The following UCP3 variants were observed in gnomAD, a reference collection of about 807,000 sequenced individuals.
UCP3 encodes putative mitochondrial transporter UCP3.
In UCP3, 24 loss-of-function variants were observed where a neutral mutation model predicts 28.1. The ratio of observed to expected loss-of-function variants is 0.85; its 90% confidence interval spans 0.62 to 1.20. The LOEUF is 1.20. Ranked by LOEUF, UCP3 falls within the 50% of genes most tolerant of loss-of-function variation. The pLI is 0.00. For missense variants in UCP3, 397 were observed against 422.2 expected (o/e 0.94, Z 0.52); for synonymous variants, 184 against 171.2 (o/e 1.07, Z -0.59).
chr11:74,005,845 G>T lies in UCP3; in HGVS notation c.426C>A (p.Val142=), dbSNP rs747969322. Residue 142 remains valine (V), a synonymous_variant, in exon 4 of 7, where the codon GTC becomes GTA. Transcript: ENST00000314032. ...CGAGGTGTATGCTGGCCTGAAATCGGACCTTCACCACATCTGTGGGCTGGG... is the reference window on the plus strand; with the variant it reads ...CGAGGTGTATGCTGGCCTGAAATCGTACCTTCACCACATCTGTGGGCTGGG... The part of the protein sequence containing the change: ...TCAQPTDVVK[V]RFQASIHLGP... 1.9e-6 allele frequency: 3 copies of T among 1,614,082 alleles called. No individual in the cohort carries two copies. In the African/African-American group the frequency reaches 4.0e-5, roughly 22 times the overall value.
Position 74,001,229 on chromosome 11 carries a change from G to T in UCP3, c.*183C>A. The stretch of plus-strand genomic sequence containing the variant: ...CAGTGCAAAACAAAGGTGTTCTTGA[G>T]GCATGGCAGTGAAGACCAGAATCCC... On this transcript the variant is annotated 3_prime_UTR_variant, in exon 7 of 7. Coordinates refer to ENST00000314032, the MANE Select transcript of UCP3 (RefSeq NM_003356.4). 1 of 616,798 alleles carries T rather than the reference G, an allele frequency of 1.6e-6. No homozygotes were observed. Among genetic ancestry groups the T allele is most frequent in the Non-Finnish European group, 2.9e-6 (1 of 348,148 alleles). The allele number at this position is 616,798 out of a possible 1,614,324, so 38.2% of individuals were successfully genotyped here.
intron 4 of UCP3, 21 bp downstream of exon 4, chr11:74,005,709 G>A: frequency 1.9e-6 from 3 of 1,613,572 alleles, no homozygotes; most frequent in East Asian, 2.2e-5. Context: ...AAGACCGCCT[G>A]CGTCCAGAGT....
chr11:74,003,602 C>A, intron 6 of UCP3: 1 of 1,298,068 alleles, frequency 7.7e-7, no homozygotes, highest in East Asian at 3.2e-5. Context: ...AGTACTTTTA[C>A]CTATTCCTGG....
intron 3 of UCP3, 96 bp downstream of exon 3, chr11:74,006,073 C>A: frequency 1.3e-6 from 2 of 1,570,038 alleles, no homozygotes; most frequent in Non-Finnish European, 1.7e-6. Context: ...CAGCTTCCCC[C>A]CGCCCCTGGC....
intron 2 of UCP3, 100 bp downstream of exon 2, chr11:74,006,817 G>A (rs967365109): frequency 1.1e-5 from 17 of 1,581,584 alleles, no homozygotes; most frequent in Middle Eastern, 1.7e-4. Context: ...CTTTGTCAGG[G>A]TTCTGAGGAA....
chr11:74,001,419 G>A lies in UCP3; in HGVS notation c.932C>T (p.Pro311Leu), dbSNP rs76629964. 1.1e-5 allele frequency: 18 copies of A among 1,614,110 alleles called. No individual in the cohort carries two copies. The East Asian group carries it at 1.6e-4, about 14-fold the overall frequency. ...GTGGCCTTCTTGTCTTGTTCAAAACGGTGATTCCCGTAACATCTGGACTTT... is the reference window on the plus strand; with the variant it reads ...GTGGCCTTCTTGTCTTGTTCAAAACAGTGATTCCCGTAACATCTGGACTTT... ...LMKVQMLRES[P>L]F The change falls in exon 7 of 7, where the codon CCG (proline) becomes CTG (leucine). Residue 311 changes from proline (P) to leucine (L), a missense_variant. Physicochemically the swap from Pro to Leu is moderately conservative, Grantham distance 98. Coordinates refer to ENST00000314032, the MANE Select transcript of UCP3 (RefSeq NM_003356.4).
At chr11:74,001,772 A>G in intron 6 of UCP3, 1 of 478,886 alleles carries the variant, frequency 2.1e-6, no homozygotes, top group Non-Finnish European at 3.8e-6. Flanking sequence ...TAGGCAGCGA[A>G]TTCTCACAGT....
chr11:74,003,398 C>T (rs1951634942), intron 6 of UCP3: 8 of 963,848 alleles, frequency 8.3e-6, no homozygotes, highest in African/African-American at 1.8e-5. Context: ...CATTTGAACT[C>T]GTCTTGAAGG....
chr11:74,005,293 C>T (rs1202443602), intron 4 of UCP3, among the ~76,000 whole-genome samples: 5 of 152,120 alleles, frequency 3.3e-5, no homozygotes, highest in African/African-American at 4.8e-5. Flanking sequence ...CTTTTTCCTC[C>T]GGACCCTGCT....
chr11:74,005,237 A>C (rs1051726056), intron 4 of UCP3, among the ~76,000 whole-genome samples: 1 of 152,058 alleles, frequency 6.6e-6, no homozygotes, highest in Non-Finnish European at 1.5e-5. Flanking sequence ...TCCTCGTTGC[A>C]TCTCCCTGCG....
rs976041856 is a variant in UCP3 at position 74,003,858 on chromosome 11, C to T, written c.793G>A (p.Ala265Thr). 1 of 1,612,254 alleles carries T rather than the reference C, an allele frequency of 6.2e-7. No individual in the cohort carries two copies. The highest frequency in any genetic ancestry group is 8.5e-7 in the Non-Finnish European group (1 of 1,178,846). Reference sequence around the variant, plus strand: ...TAGAAGGCTGTGGGGCCCTCCTGGGCCACCATCTTTATCATACAGTCGAGG... The same window carrying T: ...TAGAAGGCTGTGGGGCCCTCCTGGGTCACCATCTTTATCATACAGTCGAGG... Reference protein sequence around the residue: ...SPLDCMIKMVAQEGPTAFYKG... With the variant: ...SPLDCMIKMVTQEGPTAFYKG... The change falls in exon 6 of 7, where the codon GCC (alanine) becomes ACC (threonine). Residue 265 changes from alanine to threonine, a missense_variant. Coordinates refer to ENST00000314032, the MANE Select transcript of UCP3 (RefSeq NM_003356.4).
At chr11:74,004,141 G>A in intron 5 of UCP3, 134 bp from the exon 6 acceptor site, 2 of 1,455,788 alleles carry the variant, frequency 1.4e-6, no homozygotes, top group Non-Finnish European at 1.9e-6. Flanking sequence ...ACAGTGCCCT[G>A]GGCTAAGCTC....
At chr11:74,001,803 C>G in intron 6 of UCP3, 1 of 409,990 alleles carries the variant, frequency 2.4e-6, no homozygotes, top group Non-Finnish European at 4.5e-6. Context: ...AGCCATGTTG[C>G]TGCCAGGCTC....
In UCP3 at chr11:74,003,952, C is replaced by A. The variant is rs1053817167; in HGVS notation, c.699G>T (p.Val233=). 4 of 1,614,042 alleles carry A rather than the reference C, an allele frequency of 2.5e-6. No individual in the cohort carries two copies. Among genetic ancestry groups the A allele is most frequent in the Non-Finnish European group, 3.4e-6 (4 of 1,180,042 alleles). Residue 233 remains valine (V), a synonymous_variant, in exon 6 of 7, where the codon GTG becomes GTT. Coordinates refer to ENST00000314032, the MANE Select transcript of UCP3 (RefSeq NM_003356.4). ...SAFGAGFCAT[V]VASPVDVVKT... ...TCACCACGTCCACCGGGGAGGCCAC[C>A]ACTGTGGCACAGAAGCCGGCTCCAA...
At chr11:74,005,035 G>C (rs1469652366) in intron 4 of UCP3, among the ~76,000 whole-genome samples, 3 of 152,242 alleles carry the variant, frequency 2.0e-5, no homozygotes, top group African/African-American at 4.8e-5. Flanking sequence ...GACAAGCTCT[G>C]AAGGGTGCCC....
intron 3 of UCP3, 33 bp from the exon 4 acceptor site, chr11:74,005,966 C>T (rs758429452): frequency 1.2e-6 from 2 of 1,611,738 alleles, no homozygotes; most frequent in East Asian, 2.2e-5. Flanking sequence ...GCCAGTGTCC[C>T]CTACTAAGCA....
At chr11:74,001,712 G>A (rs908132147) in intron 6 of UCP3, 186 bp from the exon 7 acceptor site, 13 of 597,618 alleles carry the variant, frequency 2.2e-5, no homozygotes, top group African/African-American at 8.3e-5. Flanking sequence ...GGCAGAAGTC[G>A]GAGTAAGGAA....
rs1951619782 is a variant in UCP3, at chr11:74,001,301, C to T, written c.*111G>A. 1 of 1,015,430 alleles carries T rather than the reference C, an allele frequency of 9.8e-7. No individual in the cohort carries two copies. Among genetic ancestry groups the T allele is most frequent in the Admixed American group, 2.1e-5 (1 of 47,778 alleles). 62.9% of individuals were successfully genotyped at this position (1,015,430 alleles called of 1,614,324 possible). ...TCTTGAATCAGCAACAAGTAAACAA[C>T]AGTTCTGTAAACATGTGTGGGTCTG... is the stretch of plus-strand genomic sequence containing the variant. On this transcript the variant is annotated 3_prime_UTR_variant, in exon 7 of 7. Transcript: ENST00000314032.
Position 74,006,175 on chromosome 11 carries a change from C to T in UCP3, c.331G>A (p.Ala111Thr), listed in dbSNP as rs376385271. Residue 111 changes from alanine to threonine, a missense_variant, in exon 3 of 7, where the codon GCG becomes ACG. Physicochemically the swap from Ala to Thr is moderately conservative, Grantham distance 58. Coordinates refer to ENST00000314032, the MANE Select transcript of UCP3 (RefSeq NM_003356.4). ...SVKQVYTPKG[A>T]DNSSLTTRIL... The stretch of plus-strand genomic sequence containing the variant: ...CAGGGACCTGGTCACTCACTGTCCG[C>T]GCCTTTGGGGGTGTACACCTGCTTG... The T allele has an allele frequency of 1.3e-5, 21 of 1,614,012 alleles. No individual in the cohort carries two copies. Among genetic ancestry groups the T allele is most frequent in the South Asian group, 1.2e-4 (11 of 91,082 alleles).
Sources: gnomAD v4.1 joint callset for allele counts (sites outside exome capture counted in the v4.1 genomes callset) on GRCh38, gnomAD v4.1.1 for gene constraint, MANE v1.5 for transcripts, NCBI Gene and HGNC (gene_info 2026-07-23, HGNC 2026-07-21) for gene names.